Variants in GALNT10 observed in about 807,000 individuals in gnomAD.
GALNT10 encodes the protein polypeptide N-acetylgalactosaminyltransferase 10.
A neutral mutation model predicts 75.0 loss-of-function variants in GALNT10; 41 were observed. The observed-to-expected ratio is 0.55, with a 90% CI of 0.43 to 0.71. The LOEUF (loss-of-function observed/expected upper bound fraction) is 0.71. Among genes scored for constraint, GALNT10 ranks in the 30% least tolerant of loss-of-function variants. The probability of loss-of-function intolerance (pLI) is 0.00; values close to 1 mark genes in which losing one functional copy is unlikely to be tolerated. For synonymous variants in GALNT10, 302 were observed against 313.0 expected (o/e 0.96, Z 0.37); for missense variants, 727 against 818.5 (o/e 0.89, Z 1.36).
chr5:154,210,917 TTCTC>T (rs1428056335), intron 1 of GALNT10, among the ~76,000 whole-genome samples: 2 of 152,158 alleles, frequency 1.3e-5, no homozygotes, highest in African/African-American at 4.8e-5. Context: ...GTCTTCAACT[TTCTC>T]ACAAATGGCT....
chr5:154,338,148 C>T (rs1754971863), intron 4 of GALNT10: 7 of 865,606 alleles, frequency 8.1e-6, no homozygotes, highest in Admixed American at 5.1e-5. Flanking sequence ...CTTTGAGAAT[C>T]GCCTCTTGAG....
chr5:154,217,409 G>A (rs2113652291), intron 1 of GALNT10, among the ~76,000 whole-genome samples: 1 of 152,252 alleles, frequency 6.6e-6, no homozygotes, highest in African/African-American at 2.4e-5. Context: ...TTTGTTGTGA[G>A]GGGCAAGGGA....
chr5:154,244,062 C>T (rs1753383869), intron 1 of GALNT10, among the ~76,000 whole-genome samples: 1 of 152,182 alleles, frequency 6.6e-6, no homozygotes, highest in Non-Finnish European at 1.5e-5. Flanking sequence ...GAGCCCAGGG[C>T]TCGGACCATG....
chr5:154,199,299 G>A (rs1331231876), intron 1 of GALNT10, among the ~76,000 whole-genome samples: 2 of 152,078 alleles, frequency 1.3e-5, no homozygotes, highest in African/African-American at 2.4e-5. Context: ...GTCCAACAGG[G>A]AACTCCTCTC....
At chr5:154,217,240 C>A (rs1035703746) in intron 1 of GALNT10, among the ~76,000 whole-genome samples, 1 of 152,170 alleles carries the variant, frequency 6.6e-6, no homozygotes, top group Non-Finnish European at 1.5e-5. Context: ...CCCACCCTTC[C>A]CAATTTTTGT....
chr5:154,393,808 A>C (rs1374515281), intron 7 of GALNT10, among the ~76,000 whole-genome samples: 1 of 151,982 alleles, frequency 6.6e-6, no homozygotes, highest in Non-Finnish European at 1.5e-5. Context: ...ATGACACTGC[A>C]CTCCAGCCTG....
At chr5:154,317,136 A>G (rs1343962671) in intron 3 of GALNT10, among the ~76,000 whole-genome samples, 1 of 152,242 alleles carries the variant, frequency 6.6e-6, no homozygotes, top group African/African-American at 2.4e-5. Context: ...AAAGGAGCAG[A>G]GTCAGGATTT....
intron 7 of GALNT10, among the ~76,000 whole-genome samples, chr5:154,399,145 C>T (rs994053637): frequency 6.6e-6 from 1 of 152,100 alleles, no homozygotes; most frequent in Non-Finnish European, 1.5e-5. Context: ...GGTATGAGGA[C>T]TGGTATGAGG....
intron 7 of GALNT10, among the ~76,000 whole-genome samples, chr5:154,401,752 G>A (rs934306256): frequency 6.6e-6 from 1 of 152,088 alleles, no homozygotes; most frequent in Admixed American, 6.5e-5. Flanking sequence ...AAGTAGTGGG[G>A]GACAAAGGAC....
intron 7 of GALNT10, among the ~76,000 whole-genome samples, chr5:154,395,347 G>A (rs1003179363): frequency 3.9e-5 from 6 of 152,234 alleles, no homozygotes; most frequent in Non-Finnish European, 8.8e-5. Context: ...AATTCAATGA[G>A]CTAGCTGCTG....
At position 154,369,051 on chromosome 5, in the gene GALNT10, A is replaced by G. The variant is rs561078442; in HGVS notation, c.569-7226A>G. 5.3e-5 allele frequency among the ~76,000 whole-genome samples: 8 copies of G among 152,360 alleles called. No individual in the cohort carries two copies. In the East Asian group the frequency reaches 1.3e-3, roughly 26 times the overall value. ...ATGAGACTCATTTTCTCTTTGTCTA[A>G]GAAAGTTGTCACAAGAGAGTGGTCA... On this transcript the variant is annotated intron_variant, in intron 4 of 11. Coordinates refer to ENST00000297107, the MANE Select transcript of GALNT10 (RefSeq NM_198321.4).
At chr5:154,406,486 C>T (rs1756284206) in intron 8 of GALNT10, among the ~76,000 whole-genome samples, 1 of 152,180 alleles carries the variant, frequency 6.6e-6, no homozygotes, top group Non-Finnish European at 1.5e-5. Flanking sequence ...CAATTACTTG[C>T]AGACCACATT....
chr5:154,339,344 C>T lies in GALNT10; in HGVS notation c.568+9606C>T, dbSNP rs550371303. Reference sequence around the variant, plus strand: ...CCTTTCATATCTTTGACATCCTAAACGCTTCTCCCTCAGACTCCAAAGGAG... The same window carrying T: ...CCTTTCATATCTTTGACATCCTAAATGCTTCTCCCTCAGACTCCAAAGGAG... On this transcript the variant is annotated intron_variant, in intron 4 of 11. Transcript: ENST00000297107. 5.3e-5 allele frequency among the ~76,000 whole-genome samples: 8 copies of T among 152,302 alleles called. No homozygotes were observed. In the East Asian group the frequency reaches 1.2e-3, roughly 22 times the overall value.
chr5:154,256,419 A>C (rs558591753), intron 1 of GALNT10, among the ~76,000 whole-genome samples: 2 of 147,588 alleles, frequency 1.4e-5, no homozygotes, highest in South Asian at 4.3e-4. Context: ...GCAGTTTGAG[A>C]CTTTTTTTCA....
At chr5:154,296,396 G>A (rs1405133500) in intron 2 of GALNT10, among the ~76,000 whole-genome samples, 4 of 152,120 alleles carry the variant, frequency 2.6e-5, no homozygotes, top group East Asian at 3.9e-4. Flanking sequence ...ATGCCCAGCC[G>A]GTGCTGCTTA....
intron 1 of GALNT10, among the ~76,000 whole-genome samples, chr5:154,203,956 C>T (rs780708559): frequency 1.3e-5 from 2 of 152,236 alleles, no homozygotes; most frequent in African/African-American, 2.4e-5. Flanking sequence ...TAGCCATAGA[C>T]ACTACTTAAA....
chr5:154,292,098 A>G (rs1030659643), intron 1 of GALNT10, among the ~76,000 whole-genome samples: 30 of 152,362 alleles, frequency 2.0e-4, no homozygotes, highest in East Asian at 5.8e-4. Flanking sequence ...CAGTGACCAC[A>G]TTTGGCCCAC....
intron 1 of GALNT10, among the ~76,000 whole-genome samples, chr5:154,261,913 G>A (rs1275881330): frequency 6.6e-6 from 1 of 152,128 alleles, no homozygotes; most frequent in African/African-American, 2.4e-5. Context: ...TCAGATCTGT[G>A]AGCCTTCCTC....
intron 1 of GALNT10, among the ~76,000 whole-genome samples, chr5:154,225,952 G>A (rs1753057339): frequency 6.6e-6 from 1 of 151,850 alleles, no homozygotes; most frequent in Non-Finnish European, 1.5e-5. Flanking sequence ...TTGGACACAG[G>A]AAGGGGAACA....
Sources: gnomAD v4.1 joint callset for allele counts (sites outside exome capture counted in the v4.1 genomes callset) on GRCh38, gnomAD v4.1.1 for gene constraint, MANE v1.5 for transcripts, NCBI Gene and HGNC (gene_info 2026-07-23, HGNC 2026-07-21) for gene names.